Variants in OLFM4 observed in about 807,000 individuals in gnomAD.
OLFM4 encodes olfactomedin 4.
Under a neutral mutation model 25.5 loss-of-function variants are expected in OLFM4, and 22 were observed. The ratio of observed to expected loss-of-function variants is 0.86; its 90% CI spans 0.62 to 1.23. The LOEUF is 1.23. Ranked by LOEUF, OLFM4 falls within the 50% of genes most tolerant of loss-of-function variation. The pLI, the probability that OLFM4 is intolerant of heterozygous loss-of-function variation, is 0.00. For missense variants in OLFM4, 594 were observed against 619.4 expected, an observed-to-expected ratio of 0.96 and a Z score of 0.44; for synonymous variants, 255 against 237.7, an observed-to-expected ratio of 1.07 and a Z score of -0.67.
chr13:53,042,516 C>A (rs1954693095), intron 3 of OLFM4, among the ~76,000 whole-genome samples: 1 of 152,170 alleles, frequency 6.6e-6, no homozygotes, highest in South Asian at 2.1e-4. Context: ...GGTAAAATTG[C>A]TAGGTTTGTT....
In OLFM4 at chr13:53,028,919, C is replaced by T. The variant is rs775547657; in HGVS notation, c.83C>T (p.Pro28Leu). ...AAGDLGDVGP[P>L]IPSPGFSSFP... ...GGGGATTTGGGGGATGTGGGACCTCCAATTCCCAGCCCCGGCTTCAGCTCT... is the reference window on the plus strand; with the variant it reads ...GGGGATTTGGGGGATGTGGGACCTCTAATTCCCAGCCCCGGCTTCAGCTCT... Residue 28 changes from proline to leucine, a missense_variant, in exon 1 of 5, where the codon CCA becomes CTA. Transcript: ENST00000219022. 13 of 1,614,216 alleles carry T rather than the reference C, an allele frequency of 8.1e-6. No homozygotes were observed. The highest frequency in any genetic ancestry group is 1.1e-5 in the South Asian group (1 of 91,082).
intron 1 of OLFM4, among the ~76,000 whole-genome samples, chr13:53,029,711 A>G (rs1318274462): frequency 6.6e-6 from 1 of 152,208 alleles, no homozygotes; most frequent in Non-Finnish European, 1.5e-5. Context: ...TCTTCTTTAC[A>G]GGGAATCTTC....
intron 4 of OLFM4, among the ~76,000 whole-genome samples, chr13:53,045,614 G>A (rs1030832540): frequency 6.6e-6 from 1 of 152,036 alleles, no homozygotes; most frequent in African/African-American, 2.4e-5. Flanking sequence ...TCACTGCAGA[G>A]TTGCACAGAA....
chr13:53,037,654 G>T (rs1954665774), intron 2 of OLFM4, among the ~76,000 whole-genome samples: 1 of 152,082 alleles, frequency 6.6e-6, no homozygotes, highest in Admixed American at 6.5e-5. Context: ...TAAGTGATTT[G>T]CCCACTAAGT....
chr13:53,049,902 A>T (rs1371224844), intron 4 of OLFM4, 67 bp from the exon 5 acceptor site: 8 of 1,443,832 alleles, frequency 5.5e-6, no homozygotes, highest in African/African-American at 1.4e-5. Context: ...TGCTTAGGAT[A>T]TTAAACTATT....
intron 1 of OLFM4, among the ~76,000 whole-genome samples, chr13:53,031,892 T>C (rs1335425675): frequency 6.6e-6 from 1 of 152,210 alleles, no homozygotes; most frequent in Non-Finnish European, 1.5e-5. Flanking sequence ...TGTCTTTGTC[T>C]CCCATCCCCC....
chr13:53,050,115 T>C lies in OLFM4; in HGVS notation c.877T>C (p.Leu293=), dbSNP rs756945629. The part of the protein sequence containing the change: ...PNKGLYWVAP[L]NTDGRLLEYY... ...CAAAGGACTGTATTGGGTGGCGCCA[T>C]TGAATACAGATGGGAGACTGTTGGA... Residue 293 remains leucine (L), a synonymous_variant, in exon 5 of 5, where the codon TTG becomes CTG. Transcript: ENST00000219022. 4 of 1,613,874 alleles carry C rather than the reference T, an allele frequency of 2.5e-6. No individual in the cohort carries two copies. In the South Asian group the frequency reaches 3.3e-5, roughly 13 times the overall value.
At chr13:53,031,051 G>C (rs1954626664) in intron 1 of OLFM4, among the ~76,000 whole-genome samples, 2 of 152,160 alleles carry the variant, frequency 1.3e-5, no homozygotes, top group African/African-American at 4.8e-5. Context: ...ATAAAATACA[G>C]ATCAAGAAAC....
At position 53,033,663 on chromosome 13, in the gene OLFM4, G is replaced by A. The variant is rs140764615; in HGVS notation, c.205-685G>A. Among the ~76,000 whole-genome samples, 77 of 152,314 alleles carry A rather than the reference G, an allele frequency of 5.1e-4. No homozygotes were observed. In the East Asian group the frequency reaches 7.9e-3, roughly 16 times the overall value. ...ACAGATGAAGGAACTAAGAATTAAG[G>A]AGATTTCACATCTAGCAAGTGCTAG... is the stretch of plus-strand genomic sequence containing the variant. On this transcript the variant is annotated intron_variant, in intron 1 of 4. Coordinates refer to ENST00000219022, the MANE Select transcript of OLFM4 (RefSeq NM_006418.5).
chr13:53,037,724 A>T (rs1337480807), intron 2 of OLFM4, among the ~76,000 whole-genome samples: 1 of 152,202 alleles, frequency 6.6e-6, no homozygotes, highest in Non-Finnish European at 1.5e-5. Context: ...ATGTCTTTAC[A>T]ATCACTCCAG....
intron 2 of OLFM4, among the ~76,000 whole-genome samples, chr13:53,036,458 T>A (rs1486983637): frequency 6.6e-6 from 1 of 152,210 alleles, no homozygotes; most frequent in Non-Finnish European, 1.5e-5. Flanking sequence ...CCTTATGTGC[T>A]CCAGGGAGAG....
chr13:53,048,998 G>A (rs1276186626), intron 4 of OLFM4, among the ~76,000 whole-genome samples: 4 of 152,078 alleles, frequency 2.6e-5, no homozygotes, highest in East Asian at 1.9e-4. Context: ...GCATTTCAGC[G>A]GGAGTACAAT....
intron 4 of OLFM4, among the ~76,000 whole-genome samples, chr13:53,043,831 G>T (rs74086436): frequency 5.5e-4 from 84 of 152,312 alleles, no homozygotes; most frequent in African/African-American, 1.9e-3. Context: ...TCATGTGCTT[G>T]TGGGTGTGTC....
intron 1 of OLFM4, among the ~76,000 whole-genome samples, chr13:53,030,389 G>A (rs946422097): frequency 3.9e-5 from 6 of 152,074 alleles, no homozygotes; most frequent in Admixed American, 3.3e-4. Context: ...TGCAACCTCC[G>A]CCTACCAGGT....
chr13:53,049,065 A>G (rs998429307), intron 4 of OLFM4, among the ~76,000 whole-genome samples: 2 of 152,186 alleles, frequency 1.3e-5, no homozygotes, highest in African/African-American at 4.8e-5. Flanking sequence ...GGGAATGTAG[A>G]TTCAGTGGAC....
intron 1 of OLFM4, among the ~76,000 whole-genome samples, chr13:53,033,969 A>G (rs1443587270): frequency 1.3e-5 from 2 of 150,866 alleles, no homozygotes; most frequent in African/African-American, 4.9e-5. Flanking sequence ...AGGCAGGAGC[A>G]TAGAGTAAAC....
At chr13:53,046,132 T>G (rs1254809618) in intron 4 of OLFM4, among the ~76,000 whole-genome samples, 1 of 152,180 alleles carries the variant, frequency 6.6e-6, no homozygotes, top group Non-Finnish European at 1.5e-5. Flanking sequence ...GTCTTAATCA[T>G]TTTATGACTA....
chr13:53,050,935 G>C lies in OLFM4; in HGVS notation c.*164G>C, dbSNP rs569985969. ...GATCTAGGACATTTGTCTTGATTTG[G>C]TGAGTTCTCTTGGGAATCATCTGCC... On this transcript the variant is annotated 3_prime_UTR_variant, in exon 5 of 5. Coordinates refer to ENST00000219022, the MANE Select transcript of OLFM4 (RefSeq NM_006418.5). 3.2e-6 allele frequency: 2 copies of C among 625,498 alleles called. No homozygotes were observed. 38.7% of individuals were successfully genotyped at this position (625,498 alleles called of 1,614,324 possible).
rs202053664 is a variant in OLFM4, at chr13:53,029,039, A to C, written c.203A>C (p.Gln68Pro). 1 of 1,613,892 alleles carries C rather than the reference A, an allele frequency of 6.2e-7. No homozygotes were observed. Among genetic ancestry groups the C allele is most frequent in the Non-Finnish European group, 8.5e-7 (1 of 1,180,028 alleles). ...RSLGSGGSVS[Q>P]LFSNFTGSVD... ...TTAGGCAGCGGAGGTTCTGTGTCCC[A>C]GGTGAGGAGGCCCCAGAATCTGAAT... is the stretch of plus-strand genomic sequence containing the variant. The change falls in exon 1 of 5, where the codon CAG (glutamine) becomes CCG (proline). Residue 68 changes from glutamine (Q) to proline (P), a missense_variant and splice_region_variant. Gln to Pro is a moderately conservative substitution (Grantham distance 76). Transcript: ENST00000219022.
Sources: allele counts gnomAD v4.1 joint callset (sites outside exome capture counted in the v4.1 genomes callset), GRCh38; gene constraint gnomAD v4.1.1; transcripts MANE v1.5; gene names NCBI Gene and HGNC (gene_info 2026-07-23, HGNC 2026-07-21).